INPP4B: variants seen among roughly 807,000 people sequenced by gnomAD.
INPP4B encodes the protein inositol polyphosphate-4-phosphatase type II B.
INPP4B carries 55 observed loss-of-function variants against 122.5 expected under a neutral mutation model. The observed-to-expected ratio is 0.45, with a 90% CI of 0.36 to 0.56. The LOEUF (loss-of-function observed/expected upper bound fraction) is 0.56, where lower values mean the gene tolerates loss of function less well. Among genes scored for constraint, INPP4B ranks in the 20% least tolerant of loss-of-function variants. INPP4B has a pLI of 0.00. For synonymous variants in INPP4B, 403 were observed against 388.7 expected (o/e 1.04, Z -0.43); for missense variants, 1,000 against 1,097.7 (o/e 0.91, Z 1.26).
In INPP4B at chr4:142,431,397, CAA is replaced by C; in HGVS notation, c.-126-14_-126-13del. The C allele has an allele frequency of 3.1e-6, 2 of 644,980 alleles. No individual in the cohort carries two copies. Among genetic ancestry groups the C allele is most frequent in the Non-Finnish European group, 2.7e-6 (1 of 368,414 alleles). The allele number at this position is 644,980 out of a possible 1,614,324, so 40.0% of individuals were successfully genotyped here. On this transcript the variant is annotated splice_polypyrimidine_tract_variant and intron_variant, in intron 3 of 25. Transcript: ENST00000262992. ...CTGAAATTCTGTACCTAGGAAACAT[CAA>C]AAGTTAAAATTTCAGTCATATTGGA...
intron 7 of INPP4B, among the ~76,000 whole-genome samples, chr4:142,401,610 C>T (rs1179602936): frequency 6.6e-6 from 1 of 152,102 alleles, no homozygotes; most frequent in Non-Finnish European, 1.5e-5. Context: ...GCAATAATAG[C>T]AGTAACTTAC....
At chr4:142,598,430 C>A (rs1011692332) in intron 2 of INPP4B, among the ~76,000 whole-genome samples, 2 of 152,146 alleles carry the variant, frequency 1.3e-5, no homozygotes, top group African/African-American at 4.8e-5. Flanking sequence ...AGAAAATAGC[C>A]ATCACAGGAC....
intron 2 of INPP4B, among the ~76,000 whole-genome samples, chr4:142,524,248 G>A (rs1826518717): frequency 6.6e-6 from 1 of 152,112 alleles, no homozygotes; most frequent in Non-Finnish European, 1.5e-5. Context: ...TTCCACAATG[G>A]TTGAACTAGT....
chr4:142,109,860 T>G (rs1185708524), intron 22 of INPP4B, among the ~76,000 whole-genome samples: 3 of 152,124 alleles, frequency 2.0e-5, no homozygotes, highest in South Asian at 4.1e-4. Flanking sequence ...TACCCTGTAT[T>G]CCTCTTATGT....
At chr4:142,338,946 AGAGGGTCCAGGAGGGGAGAACG>A (rs563618158) in intron 7 of INPP4B, among the ~76,000 whole-genome samples, 18 of 151,722 alleles carry the variant, frequency 1.2e-4, no homozygotes, top group Non-Finnish European at 2.2e-4. Context: ...GCAGGAGAAC[AGAGGGTCCAGGAGGGGAGAACG>A]GAGGGTCCAG....
intron 9 of INPP4B, among the ~76,000 whole-genome samples, chr4:142,300,163 C>T (rs1477904792): frequency 3.3e-5 from 5 of 152,164 alleles, no homozygotes; most frequent in African/African-American, 1.2e-4. Flanking sequence ...CACCAACTTA[C>T]AGGATTCCAG....
chr4:142,333,866 T>G (rs1004754736), intron 7 of INPP4B, among the ~76,000 whole-genome samples: 1 of 152,178 alleles, frequency 6.6e-6, no homozygotes, highest in African/African-American at 2.4e-5. Context: ...GTTACCTTTT[T>G]GTGTGTGCGA....
intron 2 of INPP4B, among the ~76,000 whole-genome samples, chr4:142,594,432 C>A (rs1177098745): frequency 2.0e-5 from 3 of 152,166 alleles, no homozygotes; most frequent in Admixed American, 6.5e-5. Context: ...TTGTTTCTTA[C>A]AAAAATTCTG....
At chr4:142,717,115 A>C (rs1763874946) in intron 2 of INPP4B, among the ~76,000 whole-genome samples, 1 of 152,206 alleles carries the variant, frequency 6.6e-6, no homozygotes, top group Non-Finnish European at 1.5e-5. Flanking sequence ...CCAAGTGGTT[A>C]AAATGTATAG....
intron 23 of INPP4B, among the ~76,000 whole-genome samples, chr4:142,103,121 A>G (rs982743187): frequency 6.6e-6 from 1 of 152,084 alleles, no homozygotes; most frequent in Non-Finnish European, 1.5e-5. Context: ...AAATGCCGTT[A>G]ATGAGTCACA....
At chr4:142,147,569 T>C (rs1811462074) in intron 17 of INPP4B, among the ~76,000 whole-genome samples, 2 of 152,156 alleles carry the variant, frequency 1.3e-5, no homozygotes, top group Non-Finnish European at 2.9e-5. Context: ...TCTAACTACC[T>C]CACCAAGCTG....
intron 1 of INPP4B, among the ~76,000 whole-genome samples, chr4:142,842,704 ATAAATATAATATAT>A: frequency 7.6e-6 from 1 of 132,324 alleles, no homozygotes; most frequent in African/African-American, 2.8e-5. Context: ...TATATAATAT[ATAAATATAATATAT>A]TAATATATTA....
intron 1 of INPP4B, among the ~76,000 whole-genome samples, chr4:142,781,007 A>G (rs1774725727): frequency 6.6e-6 from 1 of 152,196 alleles, no homozygotes; most frequent in Non-Finnish European, 1.5e-5. Flanking sequence ...TCAATCTCAT[A>G]ATACTCACTG....
rs559212307 is a variant in INPP4B at position 142,142,811 on chromosome 4, T to C, written c.1720+3029A>G. 3.9e-5 allele frequency among the ~76,000 whole-genome samples: 6 copies of C among 152,172 alleles called. No homozygotes were observed. In the South Asian group the frequency reaches 1.2e-3, roughly 32 times the overall value. ...CACAAGGAATGATAAACGTTTAAAG[T>C]GATGAATATGGTAATTACTCTGATG... On this transcript the variant is annotated intron_variant, in intron 18 of 25. Coordinates refer to ENST00000262992, the MANE Select transcript of INPP4B (RefSeq NM_001101669.3).
intron 2 of INPP4B, among the ~76,000 whole-genome samples, chr4:142,656,949 T>C (rs1284396503): frequency 2.0e-5 from 3 of 152,220 alleles, no homozygotes; most frequent in Non-Finnish European, 2.9e-5. Flanking sequence ...GTATGGTTTG[T>C]GTTGCAAGCC....
intron 2 of INPP4B, among the ~76,000 whole-genome samples, chr4:142,615,102 G>A (rs149567281): frequency 2.0e-4 from 31 of 152,206 alleles, no homozygotes; most frequent in East Asian, 1.4e-3. Context: ...TAAGTTTATC[G>A]CAGCACTATT....
intron 7 of INPP4B, among the ~76,000 whole-genome samples, chr4:142,319,157 C>A (rs111441434): frequency 1.3e-5 from 2 of 152,266 alleles, no homozygotes; most frequent in African/African-American, 4.8e-5. Flanking sequence ...CTGGCAGCAC[C>A]TGGACCTCAT....
intron 1 of INPP4B, among the ~76,000 whole-genome samples, chr4:142,825,438 C>T (rs1194266444): frequency 1.3e-5 from 2 of 152,048 alleles, no homozygotes; most frequent in Non-Finnish European, 2.9e-5. Context: ...ACTTTCTAGT[C>T]AACATATATG....
intron 12 of INPP4B, among the ~76,000 whole-genome samples, chr4:142,231,072 A>T (rs1854128571): frequency 6.6e-6 from 1 of 152,234 alleles, no homozygotes; most frequent in Admixed American, 6.5e-5. Context: ...TTTAAAGTGT[A>T]TCACAACCCT....
Sources: gnomAD v4.1 joint callset for allele counts (sites outside exome capture counted in the v4.1 genomes callset) on GRCh38, gnomAD v4.1.1 for gene constraint, MANE v1.5 for transcripts, NCBI Gene and HGNC (gene_info 2026-07-23, HGNC 2026-07-21) for gene names.